TMT1A: variants seen among roughly 807,000 people sequenced by gnomAD.
TMT1A encodes the protein thiol methyltransferase 1A, also known as thiol S-methyltransferase TMT1A.
chr12:50,926,048 G>GGAAA, the TMT1A span, among the ~76,000 whole-genome samples: 7 of 101,436 alleles, frequency 6.9e-5, no homozygotes, highest in East Asian at 2.9e-4. Context: ...AAGAAAGAAA[G>GGAAA]AAAAAAAAGA....
the TMT1A span, chr12:50,930,079 C>T: frequency 1.2e-6 from 2 of 1,613,992 alleles, no homozygotes; most frequent in African/African-American, 1.3e-5. Context: ...TAAGCTGAAG[C>T]TGCAGCACAT....
the TMT1A span, among the ~76,000 whole-genome samples, chr12:50,926,318 T>G: frequency 6.6e-6 from 1 of 152,218 alleles, no homozygotes; most frequent in East Asian, 1.9e-4. Context: ...CCTATTATAC[T>G]GTTAGGGACT....
At chr12:50,931,888 A>G in the TMT1A span, 1 of 151,998 alleles carries the variant, frequency 6.6e-6, no homozygotes, top group African/African-American at 2.4e-5. Context: ...TTTCTGAAAA[A>G]CAAATCTGAA....
the TMT1A span, among the ~76,000 whole-genome samples, chr12:50,927,950 G>A: frequency 1.3e-4 from 20 of 152,104 alleles, no homozygotes; most frequent in East Asian, 3.9e-4. Flanking sequence ...TCAGCCTCCC[G>A]AGTAGCTGGG....
the TMT1A span, chr12:50,930,052 G>A: frequency 1.9e-6 from 3 of 1,614,104 alleles, no homozygotes; most frequent in Non-Finnish European, 2.5e-6. Flanking sequence ...GAAGGCCCTG[G>A]AGCGGGCCAG....
chr12:50,928,173 G>A, the TMT1A span, among the ~76,000 whole-genome samples: 9 of 152,142 alleles, frequency 5.9e-5, no homozygotes, highest in Non-Finnish European at 1.3e-4. Context: ...GCTTGTTATT[G>A]GGGTTTTCAT....
chr12:50,930,280 T>G, the TMT1A span: 8 of 712,674 alleles, frequency 1.1e-5, no homozygotes, highest in Middle Eastern at 8.2e-4. Flanking sequence ...GTTGGTTTTT[T>G]TTTTTTTTTT....
chr12:50,930,244 T>C, the TMT1A span: 2 of 1,082,474 alleles, frequency 1.8e-6, no homozygotes, highest in East Asian at 2.7e-5. Context: ...AACCTTTTTT[T>C]TGGGGGGCGG....
chr12:50,931,828 T>C, the TMT1A span: 4 of 152,044 alleles, frequency 2.6e-5, no homozygotes, highest in African/African-American at 9.6e-5. Context: ...ACCTCCTAAA[T>C]TGTTGGGATT....
chr12:50,926,648 T>C, the TMT1A span, among the ~76,000 whole-genome samples: 1 of 152,194 alleles, frequency 6.6e-6, no homozygotes. Context: ...CCCCAAGGGA[T>C]AATGTTTAAT....
chr12:50,926,147 C>T, the TMT1A span, among the ~76,000 whole-genome samples: 334 of 149,958 alleles, frequency 2.2e-3, no homozygotes, highest in African/African-American at 8.1e-3. Context: ...AAAGGGTTAA[C>T]TTCCCTCATG....
Sources: allele counts gnomAD v4.1 joint callset (sites outside exome capture counted in the v4.1 genomes callset), GRCh38; gene constraint gnomAD v4.1.1; transcripts MANE v1.5; gene names NCBI Gene and HGNC (gene_info 2026-07-23, HGNC 2026-07-21).